GPC5: variants seen among roughly 807,000 people sequenced by gnomAD.
GPC5 encodes the protein glypican-5.
In GPC5, 47 loss-of-function variants were observed where a neutral mutation model predicts 53.9. The observed-to-expected ratio is 0.87, with a 90% confidence interval of 0.69 to 1.11. The LOEUF (loss-of-function observed/expected upper bound fraction) is 1.11, where lower values mean the gene tolerates loss of function less well. Ranked by LOEUF, GPC5 falls within the 50% of genes most tolerant of loss-of-function variation. GPC5 has a pLI of 0.00. For synonymous variants in GPC5, 286 were observed against 263.3 expected (o/e 1.09, Z -0.84); for missense variants, 748 against 713.1 (o/e 1.05, Z -0.56).
At chr13:91,800,180 G>GA (rs1488736145) in intron 5 of GPC5, among the ~76,000 whole-genome samples, 6 of 151,878 alleles carry the variant, frequency 4.0e-5, no homozygotes, top group African/African-American at 1.4e-4. Flanking sequence ...TTATATTGAT[G>GA]AAAAAATAGT....
At chr13:92,476,451 G>A (rs992758399) in intron 7 of GPC5, among the ~76,000 whole-genome samples, 4 of 151,500 alleles carry the variant, frequency 2.6e-5, no homozygotes, top group Non-Finnish European at 4.4e-5. Context: ...TGGTGGGACT[G>A]TAAACTAGTT....
chr13:91,517,858 A>G (rs956397475), intron 2 of GPC5, among the ~76,000 whole-genome samples: 3 of 152,188 alleles, frequency 2.0e-5, no homozygotes, highest in African/African-American at 7.2e-5. Context: ...GACATCTCTG[A>G]TAAACCCATC....
chr13:92,166,087 C>T (rs954565231), intron 7 of GPC5, among the ~76,000 whole-genome samples: 7 of 152,124 alleles, frequency 4.6e-5, no homozygotes, highest in African/African-American at 7.2e-5. Context: ...AAGAAACTTA[C>T]TTAAAGAAAT....
chr13:92,605,276 T>G (rs929720641), intron 7 of GPC5, among the ~76,000 whole-genome samples: 1 of 152,230 alleles, frequency 6.6e-6, no homozygotes, highest in African/African-American at 2.4e-5. Flanking sequence ...ATTACTAGAT[T>G]TATAAATTTT....
chr13:91,791,516 G>A (rs1364900027), intron 5 of GPC5, among the ~76,000 whole-genome samples: 1 of 152,042 alleles, frequency 6.6e-6, no homozygotes, highest in Non-Finnish European at 1.5e-5. Context: ...TGAGATCTGA[G>A]ATCAGGGCAG....
At chr13:92,792,616 C>T (rs964903462) in intron 7 of GPC5, among the ~76,000 whole-genome samples, 2 of 152,088 alleles carry the variant, frequency 1.3e-5, no homozygotes, top group African/African-American at 4.8e-5. Flanking sequence ...AGTCAAGACC[C>T]ATCAGTGTGC....
intron 7 of GPC5, among the ~76,000 whole-genome samples, chr13:92,693,518 C>A (rs749163471): frequency 1.3e-5 from 2 of 152,100 alleles, no homozygotes; most frequent in African/African-American, 2.4e-5. Context: ...AGAAAAGAGA[C>A]TGGTGACATT....
chr13:91,869,500 T>C (rs373592626), intron 5 of GPC5, among the ~76,000 whole-genome samples: 1 of 152,226 alleles, frequency 6.6e-6, no homozygotes, highest in East Asian at 1.9e-4. Flanking sequence ...TTATTTGCTA[T>C]TGAATATATT....
At chr13:91,772,969 C>A (rs1199386844) in intron 5 of GPC5, among the ~76,000 whole-genome samples, 1 of 152,008 alleles carries the variant, frequency 6.6e-6, no homozygotes, top group African/African-American at 2.4e-5. Context: ...TGGAAGAACA[C>A]ATTTGTATTG....
intron 2 of GPC5, among the ~76,000 whole-genome samples, chr13:91,585,628 G>T (rs192993361): frequency 1.1e-3 from 171 of 152,288 alleles, no homozygotes; most frequent in Non-Finnish European, 2.1e-3. Context: ...GTTGTGTTTG[G>T]GGGGTGGAGG....
intron 7 of GPC5, among the ~76,000 whole-genome samples, chr13:92,164,775 C>A (rs1391129044): frequency 6.6e-6 from 1 of 152,212 alleles, no homozygotes; most frequent in Non-Finnish European, 1.5e-5. Context: ...CTAGCAGAGG[C>A]TCTCCATGAG....
intron 3 of GPC5, among the ~76,000 whole-genome samples, chr13:91,709,347 T>C (rs2036177515): frequency 1.3e-5 from 2 of 152,250 alleles, no homozygotes; most frequent in Admixed American, 6.5e-5. Flanking sequence ...CTTTAGTACT[T>C]TGCACATTCT....
chr13:91,923,005 C>T (rs777884467), intron 6 of GPC5, among the ~76,000 whole-genome samples: 10 of 152,112 alleles, frequency 6.6e-5, no homozygotes, highest in Admixed American at 1.3e-4. Context: ...TAAGGCTTTC[C>T]GGTAAACCAG....
In GPC5 at chr13:92,293,422, CTTTTTTTT is replaced by C. The variant is rs748125673; in HGVS notation, c.1561+148453_1561+148460del. Among the ~76,000 whole-genome samples the C allele has an allele frequency of 6.7e-3, 515 of 77,292 alleles. 2 individuals are homozygous for C. Among genetic ancestry groups the C allele is most frequent in the African/African-American group, 0.025 (448 of 17,860 alleles). 50.7% of individuals were successfully genotyped at this position (77,292 alleles called of 152,430 possible). The stretch of plus-strand genomic sequence containing the variant: ...ACTCCTAAGGTTGGTTGGTTGGTTT[CTTTTTTTT>C]TTTTTTTTTTTTTTTTTTTGGCAGC... On this transcript the variant is annotated intron_variant, in intron 7 of 7. Coordinates refer to ENST00000377067, the MANE Select transcript of GPC5 (RefSeq NM_004466.6).
chr13:92,564,640 C>A (rs1422626486), intron 7 of GPC5, among the ~76,000 whole-genome samples: 1 of 151,962 alleles, frequency 6.6e-6, no homozygotes, highest in Non-Finnish European at 1.5e-5. Context: ...GAGCAGAGTA[C>A]CCAATGGGTA....
chr13:92,559,572 G>T (rs1478110918), intron 7 of GPC5, among the ~76,000 whole-genome samples: 1 of 151,482 alleles, frequency 6.6e-6, no homozygotes, highest in Non-Finnish European at 1.5e-5. Flanking sequence ...ACTCCAACAG[G>T]CAATATTCTT....
At chr13:91,942,113 G>C (rs1025292803) in intron 6 of GPC5, among the ~76,000 whole-genome samples, 1 of 152,010 alleles carries the variant, frequency 6.6e-6, no homozygotes, top group Non-Finnish European at 1.5e-5. Context: ...ATACCATACT[G>C]TTAACTATAG....
intron 7 of GPC5, among the ~76,000 whole-genome samples, chr13:92,838,065 C>CA (rs1878278871): frequency 1.3e-5 from 2 of 148,730 alleles, no homozygotes; most frequent in Non-Finnish European, 3.0e-5. Flanking sequence ...GCAACAAGAG[C>CA]AAAACTTCGT....
Position 92,363,909 on chromosome 13 carries a change from T to C in GPC5, c.1561+218920T>C, listed in dbSNP as rs186194810. Among the ~76,000 whole-genome samples, 417 of 151,830 alleles carry C rather than the reference T, an allele frequency of 2.7e-3. 2 individuals carry two copies. The highest frequency in any genetic ancestry group is 4.1e-3 in the Non-Finnish European group (277 of 68,028). ...ACAGATGTAGAGCTGAAAAAGATGA[T>C]TGAACTAAGACAAGAATGCCGAAAC... On this transcript the variant is annotated intron_variant, in intron 7 of 7. Transcript: ENST00000377067.
Sources: allele counts gnomAD v4.1 joint callset (sites outside exome capture counted in the v4.1 genomes callset), GRCh38; gene constraint gnomAD v4.1.1; transcripts MANE v1.5; gene names NCBI Gene and HGNC (gene_info 2026-07-23, HGNC 2026-07-21).